Variants in ART3 observed in about 807,000 individuals in gnomAD.
ART3 encodes the protein ecto-ADP-ribosyltransferase 3.
Under a neutral mutation model 48.5 loss-of-function variants are expected in ART3, and 49 were observed. The ratio of observed to expected loss-of-function variants is 1.01; its 90% CI spans 0.80 to 1.28. The LOEUF (loss-of-function observed/expected upper bound fraction) is 1.28, where lower values mean the gene tolerates loss of function less well. ART3 is among the 50% of genes most tolerant of loss of function. The pLI is 0.00. For missense variants in ART3, 438 were observed against 454.3 expected (o/e 0.96, Z 0.33); for synonymous variants, 145 against 157.2 (o/e 0.92, Z 0.58).
At chr4:76,014,945 A>G (rs12511861) in intron 1 of ART3, among the ~76,000 whole-genome samples, 21,722 of 152,194 alleles carry the variant, frequency 0.14, 2,373 homozygotes, top group African/African-American at 0.3. Context: ...GAAGAATTCT[A>G]TATCTGGCAA....
intron 1 of ART3, among the ~76,000 whole-genome samples, chr4:76,050,905 A>G (rs1234054307): frequency 3.3e-5 from 5 of 152,228 alleles, no homozygotes; most frequent in Admixed American, 6.5e-5. Context: ...CCCGGGTGCT[A>G]AGCCCCTCAT....
intron 1 of ART3, among the ~76,000 whole-genome samples, chr4:76,038,356 C>A (rs1340302527): frequency 6.6e-6 from 1 of 152,104 alleles, no homozygotes; most frequent in Non-Finnish European, 1.5e-5. Context: ...ACAATATATA[C>A]AGGGCTCAGT....
chr4:76,026,239 A>C (rs1733372182), intron 1 of ART3, among the ~76,000 whole-genome samples: 1 of 152,100 alleles, frequency 6.6e-6, no homozygotes, highest in Non-Finnish European at 1.5e-5. Context: ...AATCTGAAGC[A>C]GACATGACTT....
At chr4:76,078,482 A>C (rs1721631397) in intron 2 of ART3, among the ~76,000 whole-genome samples, 2 of 152,126 alleles carry the variant, frequency 1.3e-5, no homozygotes, top group African/African-American at 4.8e-5. Flanking sequence ...CTTGGCTATG[A>C]GATGGCAGTG....
intron 10 of ART3, chr4:76,105,465 C>T: frequency 7.8e-7 from 1 of 1,274,926 alleles, no homozygotes; most frequent in Non-Finnish European, 1.0e-6. Context: ...ATGGTGGTAA[C>T]ATAGTAGTAA....
chr4:76,024,695 G>A (rs1460125048), intron 1 of ART3, among the ~76,000 whole-genome samples: 1 of 152,196 alleles, frequency 6.6e-6, no homozygotes, highest in African/African-American at 2.4e-5. Context: ...TTCAAAGGCA[G>A]GCACCACCCT....
intron 1 of ART3, among the ~76,000 whole-genome samples, chr4:76,040,762 T>A (rs1441773140): frequency 6.6e-6 from 1 of 152,160 alleles, no homozygotes; most frequent in Non-Finnish European, 1.5e-5. Flanking sequence ...TGAGGGAGGT[T>A]TATTTAGTTC....
intron 2 of ART3, among the ~76,000 whole-genome samples, chr4:76,081,286 G>A (rs1722407057): frequency 6.6e-6 from 1 of 152,058 alleles, no homozygotes; most frequent in African/African-American, 2.4e-5. Flanking sequence ...TTTTTCCTCT[G>A]GGAGCTCTGA....
At chr4:76,099,305 A>G (rs1726743261) in intron 5 of ART3, 2 of 341,168 alleles carry the variant, frequency 5.9e-6, no homozygotes. Context: ...TCTGTCTCCA[A>G]AGTTAATAAT....
chr4:76,034,919 C>T, intron 1 of ART3: 2 of 1,343,444 alleles, frequency 1.5e-6, no homozygotes, highest in Non-Finnish European at 2.1e-6. Context: ...CAACCAAGGA[C>T]CCCTTAACAG....
At chr4:76,046,970 CGG>C (rs1473403777) in intron 1 of ART3, among the ~76,000 whole-genome samples, 2 of 94,220 alleles carry the variant, frequency 2.1e-5, no homozygotes, top group African/African-American at 8.2e-5. Context: ...TAAACATACC[CGG>C]GGCTCAGTGA....
intron 1 of ART3, among the ~76,000 whole-genome samples, chr4:76,064,946 C>T (rs1719576566): frequency 6.6e-6 from 1 of 152,040 alleles, no homozygotes; most frequent in Non-Finnish European, 1.5e-5. Context: ...ATTCTCCTGC[C>T]TCAGCGTCCT....
rs1195284177 is a variant in ART3, at chr4:76,082,141, T to C, written c.387T>C (p.Tyr129=). The change falls in exon 3 of 12, where the codon TAT becomes TAC. Residue 129 remains tyrosine (Y), a synonymous_variant. Coordinates refer to ENST00000355810, the MANE Select transcript of ART3 (RefSeq NM_001130016.3). ...VKMAGQSRED[Y]IYGFQFKAFH... is the part of the protein sequence containing the mutation. ...TGGCTGGCCAATCTCGAGAAGATTA[T>C]ATCTATGGCTTCCAGTTCAAAGCTT... The C allele has an allele frequency of 1.2e-6, 2 of 1,614,114 alleles. No individual in the cohort carries two copies. Among genetic ancestry groups the C allele is most frequent in the African/African-American group, 2.7e-5 (2 of 74,944 alleles).
intron 8 of ART3, among the ~76,000 whole-genome samples, chr4:76,102,007 T>C (rs917640463): frequency 2.6e-5 from 4 of 152,138 alleles, no homozygotes; most frequent in African/African-American, 9.7e-5. Context: ...AAAGACAAAA[T>C]TACAACAAAT....
chr4:76,068,674 T>A (rs1301033932), intron 1 of ART3, among the ~76,000 whole-genome samples: 2 of 150,612 alleles, frequency 1.3e-5, no homozygotes, highest in African/African-American at 4.9e-5. Flanking sequence ...AAAAAAAAAA[T>A]AACTGTTGTG....
chr4:76,105,996 G>A lies in ART3; in HGVS notation c.1003+1367G>A. On this transcript the variant is annotated intron_variant, in intron 10 of 11. Coordinates refer to ENST00000355810, the MANE Select transcript of ART3 (RefSeq NM_001130016.3). ...GCCACTAGATTTTGTTGGGACTACA[G>A]TGTATTGTGCCCTCTCCTGGAAAGC... The A allele has an allele frequency of 4.1e-6, 4 of 985,436 alleles. No individual in the cohort carries two copies. The South Asian group carries it at 1.9e-4, about 46-fold the overall frequency. 61.0% of individuals were successfully genotyped at this position (985,436 alleles called of 1,614,324 possible).
At chr4:76,071,261 TG>T (rs1352913750), upstream of ART3, among the ~76,000 whole-genome samples, 2 of 151,042 alleles carry the variant, frequency 1.3e-5, no homozygotes, top group Non-Finnish European at 2.9e-5. Context: ...TCGCTTGAAC[TG>T]GGGAGGCAGA....
At chr4:76,092,700 T>G (rs1331483778) in intron 3 of ART3, among the ~76,000 whole-genome samples, 3 of 152,318 alleles carry the variant, frequency 2.0e-5, no homozygotes, top group Admixed American at 6.5e-5. Flanking sequence ...TGGAAAGTTG[T>G]GACTACTGTT....
chr4:76,051,309 T>TA (rs11431275), intron 1 of ART3, among the ~76,000 whole-genome samples: 88,693 of 151,644 alleles, frequency 0.58, 26,760 homozygotes, highest in East Asian at 0.93. Flanking sequence ...GATTTTTTTT[T>TA]AAGAGTTCTT....
Sources: gnomAD v4.1 joint callset for allele counts (sites outside exome capture counted in the v4.1 genomes callset) on GRCh38, gnomAD v4.1.1 for gene constraint, MANE v1.5 for transcripts, NCBI Gene and HGNC (gene_info 2026-07-23, HGNC 2026-07-21) for gene names.